The following ROR2 variants were observed in gnomAD, a reference collection of about 807,000 sequenced individuals.
ROR2 encodes tyrosine-protein kinase transmembrane receptor ROR2.
A neutral mutation model predicts 74.9 loss-of-function variants in ROR2; 33 were observed. The observed-to-expected ratio is 0.44, with a 90% confidence interval of 0.33 to 0.59. ROR2 has a LOEUF of 0.59. Ranked by LOEUF, ROR2 falls within the 20% of genes least tolerant of loss-of-function variation. The probability of loss-of-function intolerance (pLI) is 0.02; values close to 1 mark genes in which losing one functional copy is unlikely to be tolerated. For synonymous variants in ROR2, 586 were observed against 558.7 expected (o/e 1.05, Z -0.69); for missense variants, 1,216 against 1,313.8 (o/e 0.93, Z 1.15).
At chr9:91,879,762 G>A (rs1203219909) in intron 1 of ROR2, among the ~76,000 whole-genome samples, 5 of 151,816 alleles carry the variant, frequency 3.3e-5, no homozygotes. Flanking sequence ...GGGTGCAGCA[G>A]ACTAAGTGAA....
chr9:91,898,966 T>G (rs57229919), intron 1 of ROR2, among the ~76,000 whole-genome samples: 269 of 152,316 alleles, frequency 1.8e-3, no homozygotes, highest in African/African-American at 5.9e-3. Context: ...CTTCTTGGTC[T>G]TCACTCTGAT....
rs551307422 is a variant in ROR2, at chr9:91,905,996, G to A, written c.97+43871C>T. Reference sequence around the variant, plus strand: ...TGAAGAAGCAAAAACACCCCTTAAAGAGAATTCTTTGAAAAAAAAAAACCA... The same window carrying A: ...TGAAGAAGCAAAAACACCCCTTAAAAAGAATTCTTTGAAAAAAAAAAACCA... On this transcript the variant is annotated intron_variant, in intron 1 of 8. Transcript: ENST00000375708. This position sits in a 1 kb window ranked among gnomAD's most constrained non-coding sequence, Gnocchi z 5.3. 2.5e-5 allele frequency among the ~76,000 whole-genome samples: 3 copies of A among 119,758 alleles called. No individual in the cohort carries two copies. The highest frequency in any genetic ancestry group is 1.1e-4 in the African/African-American group (3 of 27,506). 78.6% of individuals were successfully genotyped at this position (119,758 alleles called of 152,430 possible).
intron 1 of ROR2, chr9:91,948,524 T>C: frequency 3.1e-6 from 3 of 965,458 alleles, no homozygotes; most frequent in South Asian, 4.8e-5. Flanking sequence ...ATCAAGTAAT[T>C]AGGAATGTCT....
At chr9:91,919,546 T>C (rs904249184) in intron 1 of ROR2, among the ~76,000 whole-genome samples, 6 of 152,216 alleles carry the variant, frequency 3.9e-5, no homozygotes, top group Non-Finnish European at 8.8e-5. Context: ...CTTTCAGTAT[T>C]AACATTCTTC....
intron 1 of ROR2, among the ~76,000 whole-genome samples, chr9:91,829,458 G>A (rs1828391863): frequency 6.8e-6 from 1 of 146,178 alleles, no homozygotes; most frequent in Non-Finnish European, 1.5e-5. Flanking sequence ...GCTGAAGCAG[G>A]AGAATCACTT....
intron 1 of ROR2, among the ~76,000 whole-genome samples, chr9:91,804,194 T>C (rs10992115): frequency 0.029 from 4,460 of 152,246 alleles, 130 homozygotes; most frequent in East Asian, 0.16. Context: ...ATTGCAAGCA[T>C]TGCCACTATC....
intron 1 of ROR2, among the ~76,000 whole-genome samples, chr9:91,904,984 A>C (rs975179332): frequency 2.0e-5 from 3 of 151,850 alleles, no homozygotes; most frequent in Admixed American, 2.0e-4. Context: ...CACACAACAT[A>C]CAATACACAC....
At chr9:91,742,299 G>C (rs1421798031) in intron 4 of ROR2, among the ~76,000 whole-genome samples, 1 of 152,136 alleles carries the variant, frequency 6.6e-6, no homozygotes, top group African/African-American at 2.4e-5. Flanking sequence ...GCTACATGTG[G>C]GTGATTCAAT....
intron 3 of ROR2, among the ~76,000 whole-genome samples, chr9:91,756,334 TACTC>T (rs1825748925): frequency 6.6e-6 from 1 of 152,218 alleles, no homozygotes; most frequent in Admixed American, 6.5e-5. Context: ...TTGCTGTCCT[TACTC>T]TCTCTCTTCT....
At chr9:91,769,070 G>C (rs965297887) in intron 2 of ROR2, among the ~76,000 whole-genome samples, 1 of 152,122 alleles carries the variant, frequency 6.6e-6, no homozygotes, top group African/African-American at 2.4e-5. Context: ...GCCGGGCGGA[G>C]GCAGACAAGA....
rs561716677 is a variant in ROR2 at position 91,731,011 on chromosome 9, C to T, written c.1082G>A (p.Gly361Glu). 4 of 1,614,136 alleles carry T rather than the reference C, an allele frequency of 2.5e-6. No individual in the cohort carries two copies. Among genetic ancestry groups the T allele is most frequent in the East Asian group, 2.2e-5 (1 of 44,882 alleles). ...SSTDFPELGG[G>E]HAYCRNPGGQ... Reference sequence around the variant, plus strand: ...TCCGGGGTTCCGGCAGTAGGCGTGCCCCCCTCCAAGCTCAGGGAAGTCTGT... The same window carrying T: ...TCCGGGGTTCCGGCAGTAGGCGTGCTCCCCTCCAAGCTCAGGGAAGTCTGT... Residue 361 changes from glycine to glutamate, a missense_variant, in exon 7 of 9, where the codon GGG (glycine) becomes GAG (glutamate). Gly to Glu is a moderately conservative substitution (Grantham distance 98). Coordinates refer to ENST00000375708, the MANE Select transcript of ROR2 (RefSeq NM_004560.4).
In ROR2 at chr9:91,757,522, G is replaced by A; in HGVS notation, c.213C>T (p.Ile71=). The A allele has an allele frequency of 6.2e-7, 1 of 1,613,722 alleles. No individual in the cohort carries two copies. The highest frequency in any genetic ancestry group is 8.5e-7 in the Non-Finnish European group (1 of 1,179,986). ...TTGCCGTCTGGCCTTGGACAATGGT[G>A]ATATTGTTTACTGGCTCCAGAAAAT... ...FLNFLEPVNN[I]TIVQGQTAIL... is the part of the protein sequence containing the mutation. Residue 71 remains isoleucine, a synonymous_variant, in exon 3 of 9, where the codon ATC becomes ATT. Transcript: ENST00000375708.
At chr9:91,732,521 G>A (rs990865744) in intron 6 of ROR2, among the ~76,000 whole-genome samples, 9 of 152,268 alleles carry the variant, frequency 5.9e-5, no homozygotes, top group South Asian at 2.1e-4. Context: ...AAAGGTGCAC[G>A]GTGCTTCCCT....
At chr9:91,865,796 T>C (rs1325198546) in intron 1 of ROR2, among the ~76,000 whole-genome samples, 1 of 152,152 alleles carries the variant, frequency 6.6e-6, no homozygotes, top group East Asian at 1.9e-4. Flanking sequence ...AGGTGACTTC[T>C]GAAAGAAGGG....
At chr9:91,876,241 C>G (rs372510317) in intron 1 of ROR2, among the ~76,000 whole-genome samples, 2 of 152,040 alleles carry the variant, frequency 1.3e-5, no homozygotes, top group African/African-American at 4.8e-5. Context: ...GGTGTGCAGG[C>G]GCCTGTAATC....
chr9:91,751,155 G>A (rs537687358), intron 4 of ROR2, among the ~76,000 whole-genome samples: 95 of 152,126 alleles, frequency 6.2e-4, no homozygotes, highest in Non-Finnish European at 1.3e-3. Flanking sequence ...GACTTGGGAT[G>A]CACAGTCACT....
At chr9:91,781,181 G>T (rs1826608469) in intron 1 of ROR2, among the ~76,000 whole-genome samples, 1 of 152,174 alleles carries the variant, frequency 6.6e-6, no homozygotes, top group South Asian at 2.1e-4. Context: ...TCATGTGAAG[G>T]TATAATTTGC....
intron 1 of ROR2, among the ~76,000 whole-genome samples, chr9:91,929,523 C>T (rs1831496913): frequency 1.3e-5 from 2 of 152,208 alleles, no homozygotes; most frequent in Non-Finnish European, 2.9e-5. Flanking sequence ...GAGGCAACAC[C>T]TCCAGAACAA....
chr9:91,949,715 G>A lies in ROR2; in HGVS notation c.97+152C>T, dbSNP rs1832118168. ...GGGTCCGGGGTGCGGGCCGGGAGCGGCGTCGGGCGAGATGCGAATGGCCCT... is the reference window on the plus strand; with the variant it reads ...GGGTCCGGGGTGCGGGCCGGGAGCGACGTCGGGCGAGATGCGAATGGCCCT... On this transcript the variant is annotated intron_variant, in intron 1 of 8. Coordinates refer to ENST00000375708, the MANE Select transcript of ROR2 (RefSeq NM_004560.4). The A allele has an allele frequency of 4.6e-6, 3 of 656,268 alleles. No homozygotes were observed. In the African/African-American group the frequency reaches 5.6e-5, roughly 12 times the overall value. 40.7% of individuals were successfully genotyped at this position (656,268 alleles called of 1,614,324 possible). A position where few individuals can be genotyped will look rare whatever the true frequency, so the allele number is the denominator to read the frequency against.
Sources: allele counts gnomAD v4.1 joint callset (sites outside exome capture counted in the v4.1 genomes callset), GRCh38; gene constraint gnomAD v4.1.1; non-coding constraint Gnocchi (gnomAD v3.1); transcripts MANE v1.5; gene names NCBI Gene and HGNC (gene_info 2026-07-23, HGNC 2026-07-21).